The following WDR33 variants were observed in gnomAD, a reference collection of about 807,000 sequenced individuals.
The protein encoded by WDR33 is WD repeat domain 33.
WDR33 carries 47 observed loss-of-function variants against 164.9 expected under a neutral mutation model. That is an observed-to-expected ratio of 0.29 (90% CI 0.23 to 0.36). The LOEUF is 0.36. Among genes scored for constraint, WDR33 ranks in the 10% least tolerant of loss-of-function variants. The pLI is 1.00. For synonymous variants in WDR33, 505 were observed against 589.0 expected, an observed-to-expected ratio of 0.86 and a Z score of 2.06; for missense variants, 1,137 against 1,754.1, an observed-to-expected ratio of 0.65 and a Z score of 6.28.
intron 7 of WDR33, chr2:127,736,052 G>A (rs748647245): frequency 6.1e-6 from 6 of 985,344 alleles, no homozygotes; most frequent in African/African-American, 1.7e-5. Flanking sequence ...CAGGTAAGTT[G>A]AGCAATGCTG....
Position 127,713,253 on chromosome 2 carries a change from T to G in WDR33, c.3308+330A>C, listed in dbSNP as rs1686221832. ...TTCCAATCTAGGTAGCTGCCTCATA[T>G]TTCCTTATTCTAATCAAGAAGAACC... On this transcript the variant is annotated intron_variant, in intron 18 of 21. Transcript: ENST00000322313. The surrounding 1 kb of genome is among the most constrained non-coding windows in gnomAD (Gnocchi z 6.2). 6.6e-6 allele frequency among the ~76,000 whole-genome samples: 1 copy of G among 152,242 alleles called. No individual in the cohort carries two copies. Among genetic ancestry groups the G allele is most frequent in the Non-Finnish European group, 1.5e-5 (1 of 68,042 alleles).
intron 7 of WDR33, among the ~76,000 whole-genome samples, chr2:127,740,154 T>C (rs931162271): frequency 6.6e-6 from 1 of 152,186 alleles, no homozygotes; most frequent in Admixed American, 6.5e-5. Flanking sequence ...CCTCCAACAC[T>C]GAGAAGATGA....
At chr2:127,756,413 A>C (rs1417766248) in intron 7 of WDR33, among the ~76,000 whole-genome samples, 2 of 151,442 alleles carry the variant, frequency 1.3e-5, no homozygotes, top group Non-Finnish European at 2.9e-5. Context: ...TTGTTCTGAT[A>C]CTCCCCTCGT....
At chr2:127,801,648 G>A (rs192215319) in intron 1 of WDR33, among the ~76,000 whole-genome samples, 5 of 152,144 alleles carry the variant, frequency 3.3e-5, no homozygotes, top group Non-Finnish European at 5.9e-5. Context: ...TTTGTGGAGC[G>A]GAGGCATGTG....
intron 7 of WDR33, among the ~76,000 whole-genome samples, chr2:127,757,930 G>A (rs1337855080): frequency 6.6e-6 from 1 of 152,090 alleles, no homozygotes; most frequent in African/African-American, 2.4e-5. Context: ...GGCACACAGA[G>A]ACTTAACAAA....
chr2:127,738,174 T>C lies in WDR33; in HGVS notation c.725-11397A>G. ...ACTGAGATTTTTTTCTATTAATGAG[T>C]AATCTGAGATAACATATGCTCCAAC... On this transcript the variant is annotated intron_variant, in intron 7 of 21. Transcript: ENST00000322313. This position sits in a 1 kb window ranked among gnomAD's most constrained non-coding sequence, Gnocchi z 4.4. The C allele has an allele frequency of 1.3e-6, 1 of 756,702 alleles. No homozygotes were observed. 46.9% of individuals were successfully genotyped at this position (756,702 alleles called of 1,614,324 possible). A position where few individuals can be genotyped will look rare whatever the true frequency, so the allele number is the denominator to read the frequency against.
chr2:127,790,415 T>A (rs1688802076), intron 1 of WDR33, among the ~76,000 whole-genome samples: 1 of 152,206 alleles, frequency 6.6e-6, no homozygotes, highest in Non-Finnish European at 1.5e-5. Flanking sequence ...TTTCTTGTAA[T>A]ATCTGTATCT....
chr2:127,706,679 G>A lies in WDR33; in HGVS notation c.3782-127C>T. 1 of 802,572 alleles carries A rather than the reference G, an allele frequency of 1.2e-6. No homozygotes were observed. The highest frequency in any genetic ancestry group is 1.9e-6 in the Non-Finnish European group (1 of 523,300). The allele number at this position is 802,572 out of a possible 1,614,324, so 49.7% of individuals were successfully genotyped here. A position where few individuals can be genotyped will look rare whatever the true frequency, so the allele number is the denominator to read the frequency against. On this transcript the variant is annotated intron_variant, in intron 21 of 21. Coordinates refer to ENST00000322313, the MANE Select transcript of WDR33 (RefSeq NM_018383.5). The surrounding 1 kb of genome is among the most constrained non-coding windows in gnomAD (Gnocchi z 5.1). ...GGTGGGTGCCAGGGAGACTGGCAGT[G>A]GTATTCAGCGTACTGAGAGGTGTGC...
At chr2:127,755,747 A>G (rs747282042) in intron 7 of WDR33, among the ~76,000 whole-genome samples, 11 of 152,222 alleles carry the variant, frequency 7.2e-5, no homozygotes, top group Non-Finnish European at 1.0e-4. Context: ...CTACTAATCT[A>G]ATCTTTGATG....
chr2:127,719,709 A>C lies in WDR33; in HGVS notation c.2316T>G (p.Ser772=), dbSNP rs976522077. 3 of 1,613,470 alleles carry C rather than the reference A, an allele frequency of 1.9e-6. No homozygotes were observed. The African/African-American group carries it at 4.0e-5, about 22-fold the overall frequency. ...PGSQGIQGPV[S]QGPLMGLNPR... The stretch of plus-strand genomic sequence containing the variant: ...GATTCAATCCCATCAGAGGTCCCTG[A>C]GACACAGGACCTTGGATCCCTTGAG... Residue 772 remains serine, a synonymous_variant, in exon 16 of 22, where the codon TCT becomes TCG. Coordinates refer to ENST00000322313, the MANE Select transcript of WDR33 (RefSeq NM_018383.5). The surrounding 1 kb of genome is among the most constrained non-coding windows in gnomAD (Gnocchi z 6.5).
chr2:127,800,564 G>A (rs1689200637), intron 1 of WDR33, among the ~76,000 whole-genome samples: 1 of 151,152 alleles, frequency 6.6e-6, no homozygotes, highest in East Asian at 2.0e-4. Context: ...ATGAACCCAG[G>A]AGTCGGAGCT....
At chr2:127,715,088 C>CTTTTTTTTTTTT (rs386391178) in intron 17 of WDR33, among the ~76,000 whole-genome samples, 135 of 108,552 alleles carry the variant, frequency 1.2e-3, no homozygotes, top group Middle Eastern at 5.8e-3. Context: ...TTCTTTGTTT[C>CTTTTTTTTTTTT]TTTTTTTTTT....
At chr2:127,742,155 G>A (rs1687034617) in intron 7 of WDR33, among the ~76,000 whole-genome samples, 1 of 152,042 alleles carries the variant, frequency 6.6e-6, no homozygotes, top group African/African-American at 2.4e-5. Flanking sequence ...AGAGGTTGCA[G>A]TGAGCTGAGA....
chr2:127,769,446 C>A (rs1043932244), intron 2 of WDR33, among the ~76,000 whole-genome samples: 35 of 148,416 alleles, frequency 2.4e-4, no homozygotes, highest in East Asian at 5.9e-4. Context: ...AACAAACAAA[C>A]AAAAAAAAAA....
At position 127,726,952 on chromosome 2, in the gene WDR33, C is replaced by T. The variant is rs1301636040; in HGVS notation, c.725-175G>A. 6.6e-6 allele frequency among the ~76,000 whole-genome samples: 1 copy of T among 152,148 alleles called. No homozygotes were observed. Among genetic ancestry groups the T allele is most frequent in the Non-Finnish European group, 1.5e-5 (1 of 68,040 alleles). ...CTGGAAATTTTTCAGATACAGTATC[C>T]TCTCCTCCTATGTCAAGACACACAG... On this transcript the variant is annotated intron_variant, in intron 7 of 21. Coordinates refer to ENST00000322313, the MANE Select transcript of WDR33 (RefSeq NM_018383.5). The surrounding 1 kb of genome is among the most constrained non-coding windows in gnomAD (Gnocchi z 4.8).
chr2:127,809,815 T>G (rs1689582739), intron 1 of WDR33, among the ~76,000 whole-genome samples: 1 of 152,128 alleles, frequency 6.6e-6, no homozygotes, highest in African/African-American at 2.4e-5. Context: ...TTCAAGAAGA[T>G]AGTCTAAATA....
At chr2:127,711,770 A>ATTTTTTTTTTTTTTTTTTTTTTTTT (rs1220888579) in intron 18 of WDR33, among the ~76,000 whole-genome samples, 1 of 77,894 alleles carries the variant, frequency 1.3e-5, no homozygotes, top group Non-Finnish European at 2.3e-5. Context: ...ATATATATAT[A>ATTTTTTTTTTTTTTTTTTTTTTTTT]TATATATATA....
chr2:127,719,261 A>C lies in WDR33; in HGVS notation c.2760+4T>G, dbSNP rs1021592950. 26 of 1,424,950 alleles carry C rather than the reference A, an allele frequency of 1.8e-5. No homozygotes were observed. The highest frequency in any genetic ancestry group is 2.4e-5 in the Non-Finnish European group (26 of 1,089,304). 88.3% of individuals were successfully genotyped at this position (1,424,950 alleles called of 1,614,324 possible). On this transcript the variant is annotated splice_donor_region_variant and intron_variant, in intron 16 of 21. Coordinates refer to ENST00000322313, the MANE Select transcript of WDR33 (RefSeq NM_018383.5). The surrounding 1 kb of genome is among the most constrained non-coding windows in gnomAD (Gnocchi z 6.5). ...TGTGCCCGTGAGTTGGAAATGAATA[A>C]TACCTGGTTGAAGGGGGCCCGGGGC...
At chr2:127,801,744 C>T (rs553839311) in intron 1 of WDR33, among the ~76,000 whole-genome samples, 2 of 152,082 alleles carry the variant, frequency 1.3e-5, no homozygotes, top group East Asian at 1.9e-4. Flanking sequence ...ATTAGCTGGG[C>T]GTGGTGGTGC....
Sources: allele counts gnomAD v4.1 joint callset (sites outside exome capture counted in the v4.1 genomes callset), GRCh38; gene constraint gnomAD v4.1.1; non-coding constraint Gnocchi (gnomAD v3.1); transcripts MANE v1.5; gene names NCBI Gene and HGNC (gene_info 2026-07-23, HGNC 2026-07-21).